TOR1AIP1: variants seen among roughly 807,000 people sequenced by gnomAD.
The protein encoded by TOR1AIP1 is torsin-1A-interacting protein 1.
In TOR1AIP1, 54 loss-of-function variants were observed where a neutral mutation model predicts 63.3. The ratio of observed to expected loss-of-function variants is 0.85; its 90% CI spans 0.69 to 1.07. TOR1AIP1 has a LOEUF of 1.07. TOR1AIP1 is among the 50% of genes least tolerant of loss of function. TOR1AIP1 has a pLI of 0.00. For synonymous variants in TOR1AIP1, 294 were observed against 273.5 expected, an observed-to-expected ratio of 1.07 and a Z score of -0.74; for missense variants, 736 against 715.0, an observed-to-expected ratio of 1.03 and a Z score of -0.33.
At chr1:179,898,756 C>T (rs536565810) in intron 3 of TOR1AIP1, among the ~76,000 whole-genome samples, 9 of 151,896 alleles carry the variant, frequency 5.9e-5, no homozygotes, top group East Asian at 5.8e-4. Flanking sequence ...AAATTTTTTT[C>T]GTTTGACTTT....
At position 179,918,674 on chromosome 1, in the gene TOR1AIP1, C is replaced by G. The variant is rs1318674771; in HGVS notation, c.*435C>G. On this transcript the variant is annotated 3_prime_UTR_variant, in exon 10 of 10. Coordinates refer to ENST00000606911, the MANE Select transcript of TOR1AIP1 (RefSeq NM_015602.4). ...TTTTCCCATTATGTTCCCTTTTATA[C>G]CATTTAGGTGTGAGTTCCTTAGCTT... The G allele has an allele frequency of 6.2e-6, 1 of 160,444 alleles. No homozygotes were observed. The highest frequency in any genetic ancestry group is 2.4e-5 in the African/African-American group (1 of 41,498). 9.9% of individuals were successfully genotyped at this position (160,444 alleles called of 1,614,324 possible). A position where few individuals can be genotyped will look rare whatever the true frequency, so the allele number is the denominator to read the frequency against.
intron 2 of TOR1AIP1, 66 bp downstream of exon 2, chr1:179,884,835 A>G (rs2148470027): frequency 7.8e-7 from 1 of 1,274,688 alleles, no homozygotes; most frequent in Non-Finnish European, 1.1e-6. Flanking sequence ...ATTGAATTAA[A>G]CAATGTAAGT....
chr1:179,904,562 A>G (rs1264708324), intron 6 of TOR1AIP1: 4 of 152,358 alleles, frequency 2.6e-5, no homozygotes, highest in Admixed American at 1.3e-4. Flanking sequence ...TTGGAAAGTC[A>G]TATACCAAAA....
rs562711800 is a variant in TOR1AIP1 at position 179,916,186 on chromosome 1, G to A, written c.965-1266G>A. ...GTGAAAAATAACAATGACTACACTC[G>A]TACAGTTTGGTGCCACTGCCCTGTA... On this transcript the variant is annotated intron_variant, in intron 9 of 9. Transcript: ENST00000606911. Among the ~76,000 whole-genome samples, 30 of 152,268 alleles carry A rather than the reference G, an allele frequency of 2.0e-4. No homozygotes were observed. The South Asian group carries it at 5.6e-3, about 28-fold the overall frequency.
intron 2 of TOR1AIP1, among the ~76,000 whole-genome samples, chr1:179,886,774 T>C (rs1010558090): frequency 1.1e-4 from 16 of 152,224 alleles, no homozygotes; most frequent in Admixed American, 1.0e-3. Flanking sequence ...AGTATGTCTG[T>C]CTTTGAGAGG....
At chr1:179,911,530 G>T (rs76673656) in intron 8 of TOR1AIP1, among the ~76,000 whole-genome samples, 1 of 152,294 alleles carries the variant, frequency 6.6e-6, no homozygotes, top group African/African-American at 2.4e-5. Flanking sequence ...TTTCCTGTTT[G>T]CCAGGTGATA....
intron 1 of TOR1AIP1, chr1:179,883,747 G>A (rs752605015): frequency 4.4e-6 from 2 of 454,902 alleles, no homozygotes; most frequent in Non-Finnish European, 8.8e-6. Flanking sequence ...ATGGACAAAA[G>A]GGATGCTGAC....
chr1:179,890,631 A>G (rs1010121444), intron 3 of TOR1AIP1, among the ~76,000 whole-genome samples: 2 of 151,716 alleles, frequency 1.3e-5, no homozygotes, highest in African/African-American at 4.8e-5. Context: ...GCAGGGTCTC[A>G]CTCTCACCCA....
At chr1:179,888,408 G>A (rs762621063) in intron 2 of TOR1AIP1, among the ~76,000 whole-genome samples, 1 of 152,076 alleles carries the variant, frequency 6.6e-6, no homozygotes, top group Non-Finnish European at 1.5e-5. Context: ...CAAATAGCTG[G>A]GATTACAGGC....
intron 1 of TOR1AIP1, 125 bp downstream of exon 1, chr1:179,883,102 C>G: frequency 1.1e-6 from 1 of 889,400 alleles, no homozygotes; most frequent in Non-Finnish European, 1.7e-6. Context: ...GGGTATTCCT[C>G]AGCCCCCTCT....
At chr1:179,893,317 C>G (rs1220084674) in intron 3 of TOR1AIP1, among the ~76,000 whole-genome samples, 1 of 152,032 alleles carries the variant, frequency 6.6e-6, no homozygotes, top group Non-Finnish European at 1.5e-5. Flanking sequence ...GTTAGTACAC[C>G]TTGGAGTTTA....
intron 9 of TOR1AIP1, among the ~76,000 whole-genome samples, chr1:179,915,639 TC>T (rs1239198059): frequency 2.0e-5 from 3 of 152,122 alleles, no homozygotes; most frequent in African/African-American, 7.2e-5. Context: ...GCACCTGTAA[TC>T]CCAGCTACTT....
At position 179,917,379 on chromosome 1, in the gene TOR1AIP1, AT is replaced by A. The variant is rs1558048230; in HGVS notation, c.965-69del. 5 of 1,299,880 alleles carry A rather than the reference AT, an allele frequency of 3.8e-6. No homozygotes were observed. The Admixed American group carries it at 6.7e-5, about 17-fold the overall frequency. 80.5% of individuals were successfully genotyped at this position (1,299,880 alleles called of 1,614,324 possible). A position where few individuals can be genotyped will look rare whatever the true frequency, so the allele number is the denominator to read the frequency against. ...CTAATGTTTATAAAGACTGATATTGATTTTAAAAGTCACTTGCCCCTGAATC... is the reference window on the plus strand; with the variant it reads ...CTAATGTTTATAAAGACTGATATTGATTTAAAAGTCACTTGCCCCTGAATC... On this transcript the variant is annotated intron_variant, in intron 9 of 9. Transcript: ENST00000606911.
intron 4 of TOR1AIP1, 69 bp downstream of exon 4, chr1:179,900,236 A>AT (rs1231630597): frequency 8.8e-7 from 1 of 1,130,128 alleles, no homozygotes; most frequent in African/African-American, 1.6e-5. Flanking sequence ...AGCCATTCTG[A>AT]TAGATATTTA....
intron 8 of TOR1AIP1, among the ~76,000 whole-genome samples, chr1:179,909,269 A>G (rs1380487327): frequency 6.6e-6 from 1 of 152,210 alleles, no homozygotes; most frequent in Middle Eastern, 3.2e-3. Flanking sequence ...TCTTTTGACA[A>G]TACTTATTTT....
chr1:179,912,339 G>T (rs1260288028), intron 8 of TOR1AIP1, among the ~76,000 whole-genome samples: 2 of 152,166 alleles, frequency 1.3e-5, no homozygotes, highest in Non-Finnish European at 2.9e-5. Flanking sequence ...CTTTTAAAAA[G>T]ATGTTTTTTA....
In TOR1AIP1 at chr1:179,907,810, T is replaced by C; in HGVS notation, c.797-13T>C. ...CAAGTATTCTATGACCTTATCCCTG[T>C]TTTCTGTTTCAGGTCAAAACTTCAC... is the stretch of plus-strand genomic sequence containing the variant. On this transcript the variant is annotated splice_polypyrimidine_tract_variant and intron_variant, in intron 6 of 9. Coordinates refer to ENST00000606911, the MANE Select transcript of TOR1AIP1 (RefSeq NM_015602.4). 1 of 1,588,020 alleles carries C rather than the reference T, an allele frequency of 6.3e-7. No individual in the cohort carries two copies. Among genetic ancestry groups the C allele is most frequent in the Non-Finnish European group, 8.6e-7 (1 of 1,166,564 alleles).
intron 9 of TOR1AIP1, among the ~76,000 whole-genome samples, chr1:179,914,284 A>G (rs1324013886): frequency 6.6e-6 from 1 of 152,226 alleles, no homozygotes; most frequent in African/African-American, 2.4e-5. Context: ...AAGACCAAAA[A>G]TAATAGCTAA....
At chr1:179,883,927 A>G (rs1316041961) in intron 1 of TOR1AIP1, 3 of 287,790 alleles carry the variant, frequency 1.0e-5, no homozygotes, top group African/African-American at 2.2e-5. Context: ...CTGAGTCACA[A>G]TGGGATGACA....
Sources: allele counts gnomAD v4.1 joint callset (sites outside exome capture counted in the v4.1 genomes callset), GRCh38; gene constraint gnomAD v4.1.1; transcripts MANE v1.5; gene names NCBI Gene and HGNC (gene_info 2026-07-23, HGNC 2026-07-21).